ANKRD23: variants seen among roughly 807,000 people sequenced by gnomAD.
ANKRD23 encodes the protein ankyrin repeat domain 23.
A neutral mutation model predicts 38.1 loss-of-function variants in ANKRD23; 52 were observed. The observed-to-expected ratio is 1.36, with a 90% CI of 1.09 to 1.72. The LOEUF (loss-of-function observed/expected upper bound fraction) is 1.72. Among genes scored for constraint, ANKRD23 ranks in the 40% most tolerant of loss-of-function variants. ANKRD23 has a pLI of 0.00. For missense variants in ANKRD23, 416 were observed against 400.2 expected (o/e 1.04, Z -0.34); for synonymous variants, 167 against 162.9 (o/e 1.03, Z -0.19).
At chr2:96,841,378 CA>C (rs1162302963) in intron 3 of ANKRD23, 1 of 160,100 alleles carries the variant, frequency 6.2e-6, no homozygotes, top group East Asian at 1.9e-4. Flanking sequence ...GGGCAGACCA[CA>C]AGGACAGGAG....
At chr2:96,839,678 G>A (rs1179793618) in intron 8 of ANKRD23, 34 bp from the exon 9 acceptor site, 1 of 1,586,866 alleles carries the variant, frequency 6.3e-7, no homozygotes, top group East Asian at 2.3e-5. Context: ...TCCCTTGCAG[G>A]CGCTCCACCC....
chr2:96,839,272 C>T lies in ANKRD23; in HGVS notation c.*277G>A, dbSNP rs992167527. On this transcript the variant is annotated 3_prime_UTR_variant, in exon 9 of 9. Transcript: ENST00000318357. ...GCCCTCACTCTCCTCCCCTTCCTGG[C>T]CCTCATCTGGACCCGCGCTTTCTGC... The T allele has an allele frequency of 1.7e-6, 2 of 1,196,560 alleles. No individual in the cohort carries two copies. Among genetic ancestry groups the T allele is most frequent in the Admixed American group, 8.3e-5 (2 of 24,112 alleles). 74.1% of individuals were successfully genotyped at this position (1,196,560 alleles called of 1,614,324 possible).
In ANKRD23 at chr2:96,840,408, A is replaced by C. The variant is rs752781835; in HGVS notation, c.525+8T>G. The C allele has an allele frequency of 6.2e-7, 1 of 1,613,764 alleles. No homozygotes were observed. The highest frequency in any genetic ancestry group is 8.5e-7 in the Non-Finnish European group (1 of 1,179,970). On this transcript the variant is annotated splice_region_variant and intron_variant, in intron 5 of 8. Coordinates refer to ENST00000318357, the MANE Select transcript of ANKRD23 (RefSeq NM_144994.8). The stretch of plus-strand genomic sequence containing the variant: ...TCGACCAGAGGCTGGGCCTTTCCCC[A>C]TCCTCACCAAGTCTCGCGCGTCCAC...
At chr2:96,840,646 T>C (rs2153358622) in intron 4 of ANKRD23, 132 bp from the exon 5 acceptor site, 5 of 1,511,478 alleles carry the variant, frequency 3.3e-6, no homozygotes, top group Non-Finnish European at 4.5e-6. Flanking sequence ...CCGCTCCCTC[T>C]CCTCCGTCTG....
intron 2 of ANKRD23, 71 bp downstream of exon 2, chr2:96,842,294 C>T: frequency 6.2e-7 from 1 of 1,604,564 alleles, no homozygotes; most frequent in Non-Finnish European, 8.5e-7. Flanking sequence ...AGAGTCCCTC[C>T]AGGCCTCACT....
chr2:96,840,223 GCCCCTCACCTTGT>G lies in ANKRD23; in HGVS notation c.620_624+8del. ...TCCCGACAGGCCCCCAAAGCACCGT[GCCCCTCACCTTGT>G]CCCGGGCATTGACCCGGGCTCCCTG... On this transcript the variant is annotated splice_donor_variant and splice_donor_5th_base_variant and coding_sequence_variant and intron_variant, in exon 6 of 9. Transcript: ENST00000318357. LOFTEE classifies it high-confidence loss of function. The G allele has an allele frequency of 6.2e-7, 1 of 1,608,110 alleles. No homozygotes were observed. The highest frequency in any genetic ancestry group is 1.1e-5 in the South Asian group (1 of 90,004).
chr2:96,838,230 G>A lies in ANKRD23; in HGVS notation c.*1319C>T, dbSNP rs1427291624. On this transcript the variant is annotated 3_prime_UTR_variant, in exon 9 of 9. Transcript: ENST00000318357. ...TGGCCAAATGCCTATCAATCAGCCCGGTACCTAATGTAACCCAGGACCCAT... is the reference window on the plus strand; with the variant it reads ...TGGCCAAATGCCTATCAATCAGCCCAGTACCTAATGTAACCCAGGACCCAT... 4 of 558,746 alleles carry A rather than the reference G, an allele frequency of 7.2e-6. No individual in the cohort carries two copies. The highest frequency in any genetic ancestry group is 6.4e-5 in the Admixed American group (1 of 15,734). The allele number at this position is 558,746 out of a possible 1,614,324, so 34.6% of individuals were successfully genotyped here.
Position 96,840,050 on chromosome 2 carries a change from C to T in ANKRD23, c.670G>A (p.Asp224Asn), listed in dbSNP as rs199782708. 80 of 1,562,486 alleles carry T rather than the reference C, an allele frequency of 5.1e-5. No individual in the cohort carries two copies. The highest frequency in any genetic ancestry group is 6.2e-5 in the Non-Finnish European group (72 of 1,152,782). ...LHVAVRTRHP[D>N]CLEHLIECGA... ...CACTCGATGAGGTGCTCCAGGCAGT[C>T]GGGGTGCCGGGTGCGCACTGCCACG... The change falls in exon 7 of 9, where the codon GAC becomes AAC. Residue 224 changes from aspartate to asparagine, a missense_variant. Coordinates refer to ENST00000318357, the MANE Select transcript of ANKRD23 (RefSeq NM_144994.8).
In ANKRD23 at chr2:96,837,924, C is replaced by A. The variant is rs1171517821; in HGVS notation, c.*1625G>T. On this transcript the variant is annotated 3_prime_UTR_variant, in exon 9 of 9. Transcript: ENST00000318357. Reference sequence around the variant, plus strand: ...AAGACGGCTAGGCTGTAATGGATAGCCAGTTTTAATGAACAGAGGATACTG... The same window carrying A: ...AAGACGGCTAGGCTGTAATGGATAGACAGTTTTAATGAACAGAGGATACTG... The A allele has an allele frequency of 6.6e-6, 1 of 152,224 alleles. No homozygotes were observed. The highest frequency in any genetic ancestry group is 1.5e-5 in the Non-Finnish European group (1 of 68,058). The allele number at this position is 152,224 out of a possible 1,614,324, so 9.4% of individuals were successfully genotyped here.
rs967214847 is a variant in ANKRD23, at chr2:96,839,571, G to C, written c.896C>G (p.Ala299Gly). 6.8e-7 allele frequency: 1 copy of C among 1,466,106 alleles called. No individual in the cohort carries two copies. The highest frequency in any genetic ancestry group is 1.4e-5 in the African/African-American group (1 of 70,398). The allele number at this position is 1,466,106 out of a possible 1,614,324, so 90.8% of individuals were successfully genotyped here. The change falls in exon 9 of 9, where the codon GCG becomes GGG. Residue 299 changes from alanine (A) to glycine (G), a missense_variant. By Grantham distance (60) the Ala-to-Gly change is moderately conservative. Transcript: ENST00000318357. ...GIREALQAHV[A>G]HPRTRC ...CGGTCAGCACCGGGTGCGGGGATGC[G>C]CCACGTGGGCCTGCAGGGCCTCCCG... is the stretch of plus-strand genomic sequence containing the variant.
intron 3 of ANKRD23, chr2:96,841,224 C>T (rs1216635831): frequency 1.1e-5 from 3 of 285,534 alleles, no homozygotes; most frequent in Admixed American, 4.9e-5. Flanking sequence ...TGAGGTCACA[C>T]CGGCGTATGG....
intron 4 of ANKRD23, 74 bp from the exon 5 acceptor site, chr2:96,840,588 G>A: frequency 6.4e-7 from 1 of 1,558,348 alleles, no homozygotes; most frequent in Non-Finnish European, 8.8e-7. Flanking sequence ...CCCCTTCCCA[G>A]GGCCAGGTCC....
At position 96,842,509 on chromosome 2, in the gene ANKRD23, TA is replaced by T; in HGVS notation, c.29del (p.Val10GlufsTer40). The T allele has an allele frequency of 1.2e-6, 2 of 1,613,136 alleles. No homozygotes were observed. Among genetic ancestry groups the T allele is most frequent in the Non-Finnish European group, 1.7e-6 (2 of 1,179,622 alleles). MDFISIQQL[V>X]SGERVEGKVL... ...CTTTCCCTTCAACTCTTTCTCCACT[TA>T]CCTGTAGGAACAGGATATGAGTACT... is the stretch of plus-strand genomic sequence containing the variant. On this transcript the variant is annotated frameshift_variant and splice_region_variant, in exon 2 of 9. Transcript: ENST00000318357. LOFTEE classifies it high-confidence loss of function.
chr2:96,838,791 G>A lies in ANKRD23; in HGVS notation c.*758C>T, dbSNP rs2079722345. ...CGGGGCCAGTACACAGTGGGTGCGA[G>A]GCTTCTCTCAAATGCGCGCTCCAGC... On this transcript the variant is annotated 3_prime_UTR_variant, in exon 9 of 9. Coordinates refer to ENST00000318357, the MANE Select transcript of ANKRD23 (RefSeq NM_144994.8). 1 of 985,420 alleles carries A rather than the reference G, an allele frequency of 1.0e-6. No homozygotes were observed. The highest frequency in any genetic ancestry group is 1.2e-6 in the Non-Finnish European group (1 of 830,014). 61.0% of individuals were successfully genotyped at this position (985,420 alleles called of 1,614,324 possible). A position where few individuals can be genotyped will look rare whatever the true frequency, so the allele number is the denominator to read the frequency against.
Position 96,840,068 on chromosome 2 carries a change from C to T in ANKRD23, c.652G>A (p.Val218Met), listed in dbSNP as rs2079741372. The change falls in exon 7 of 9, where the codon GTG becomes ATG. Residue 218 changes from valine (V) to methionine (M), a missense_variant. Val to Met is a conservative substitution (Grantham distance 21). Transcript: ENST00000318357. ...KIGSTPLHVA[V>M]RTRHPDCLEH... ...AGGCAGTCGGGGTGCCGGGTGCGCA[C>T]TGCCACGTGCAGGGGGGTGCTCCCG... The T allele has an allele frequency of 1.3e-6, 2 of 1,560,958 alleles. No individual in the cohort carries two copies. The highest frequency in any genetic ancestry group is 1.7e-6 in the Non-Finnish European group (2 of 1,151,954).
chr2:96,842,563 G>A, intron 1 of ANKRD23, 52 bp from the exon 2 acceptor site: 1 of 1,571,760 alleles, frequency 6.4e-7, no homozygotes, highest in Non-Finnish European at 8.6e-7. Flanking sequence ...GGAACCCTTA[G>A]AAAACAGAGC....
chr2:96,839,306 G>T lies in ANKRD23; in HGVS notation c.*243C>A. 8.1e-7 allele frequency: 1 copy of T among 1,231,406 alleles called. No individual in the cohort carries two copies. The highest frequency in any genetic ancestry group is 1.0e-6 in the Non-Finnish European group (1 of 987,866). 76.3% of individuals were successfully genotyped at this position (1,231,406 alleles called of 1,614,324 possible). A position where few individuals can be genotyped will look rare whatever the true frequency, so the allele number is the denominator to read the frequency against. On this transcript the variant is annotated 3_prime_UTR_variant, in exon 9 of 9. Transcript: ENST00000318357. ...GGACCCGCGCTTTCTGCTGCCTTGT[G>T]GTCCTCTGCTCCAGCCCTGGGAGGG...
chr2:96,839,345 TGACACTCGAAGCCAGG>T lies in ANKRD23; in HGVS notation c.*188_*203del, dbSNP rs2079730244. 2.4e-6 allele frequency: 3 copies of T among 1,252,862 alleles called. No individual in the cohort carries two copies. Among genetic ancestry groups the T allele is most frequent in the Non-Finnish European group, 2.0e-6 (2 of 1,001,142 alleles). The allele number at this position is 1,252,862 out of a possible 1,614,324, so 77.6% of individuals were successfully genotyped here. A position where few individuals can be genotyped will look rare whatever the true frequency, so the allele number is the denominator to read the frequency against. On this transcript the variant is annotated 3_prime_UTR_variant, in exon 9 of 9. Coordinates refer to ENST00000318357, the MANE Select transcript of ANKRD23 (RefSeq NM_144994.8). ...GCCCTGGGAGGGAACGCGGCTCCCC[TGACACTCGAAGCCAGG>T]GAGGCCTCTCTCTTTGCCTGCTGGG...
rs939407332 is a variant in ANKRD23, at chr2:96,839,099, C to G, written c.*450G>C. 1.4e-5 allele frequency: 14 copies of G among 990,034 alleles called. No individual in the cohort carries two copies. In the Admixed American group the frequency reaches 1.8e-4, roughly 13 times the overall value. The allele number at this position is 990,034 out of a possible 1,614,324, so 61.3% of individuals were successfully genotyped here. On this transcript the variant is annotated 3_prime_UTR_variant, in exon 9 of 9. Transcript: ENST00000318357. ...CTTGTACATCCTGGATGGCATCTGC[C>G]GGCCACGGGCTGAGTCCCCACACAC...
Sources: gnomAD v4.1 joint callset for allele counts on GRCh38, gnomAD v4.1.1 for gene constraint, MANE v1.5 for transcripts, NCBI Gene and HGNC (gene_info 2026-07-23, HGNC 2026-07-21) for gene names.